Variants in PATJ observed in about 807,000 individuals in gnomAD.
The protein encoded by PATJ is inaD-like protein.
Under a neutral mutation model 224.9 loss-of-function variants are expected in PATJ, and 190 were observed. The ratio of observed to expected loss-of-function variants is 0.84; its 90% CI spans 0.75 to 0.95. The LOEUF (loss-of-function observed/expected upper bound fraction) is 0.95. Among genes scored for constraint, PATJ ranks in the 40% least tolerant of loss-of-function variants. PATJ has a pLI of 0.00. For missense variants in PATJ, 2,121 were observed against 2,270.3 expected (o/e 0.93, Z 1.34); for synonymous variants, 769 against 820.3 (o/e 0.94, Z 1.07).
intron 21 of PATJ, among the ~76,000 whole-genome samples, chr1:61,882,983 T>C (rs923260077): frequency 2.0e-5 from 3 of 151,964 alleles, no homozygotes; most frequent in African/African-American, 7.3e-5. Flanking sequence ...ATAGTGTGTG[T>C]GTGAGGATGT....
chr1:61,861,838 T>C (rs1307389266), intron 19 of PATJ, among the ~76,000 whole-genome samples, 171 bp downstream of exon 19: 1 of 152,108 alleles, frequency 6.6e-6, no homozygotes, highest in Non-Finnish European at 1.5e-5. Flanking sequence ...GCTAAATAGA[T>C]ATAAATGAAC....
intron 28 of PATJ, among the ~76,000 whole-genome samples, chr1:61,998,056 T>G (rs1558015225): frequency 7.3e-6 from 1 of 136,144 alleles, no homozygotes; most frequent in South Asian, 2.2e-4. Context: ...ATATATTATA[T>G]ATAATAAATA....
intron 30 of PATJ, among the ~76,000 whole-genome samples, chr1:62,040,847 CT>C (rs1250007424): frequency 6.6e-6 from 1 of 152,090 alleles, no homozygotes; most frequent in Non-Finnish European, 1.5e-5. Context: ...AGAAAAATAA[CT>C]TTTTTCTTCA....
chr1:61,901,816 A>G (rs971703943), intron 24 of PATJ, among the ~76,000 whole-genome samples: 1 of 152,144 alleles, frequency 6.6e-6, no homozygotes, highest in African/African-American at 2.4e-5. Context: ...ATGTGTCAGG[A>G]GGATATTATG....
intron 14 of PATJ, among the ~76,000 whole-genome samples, chr1:61,812,379 A>ACTGT (rs1323206247): frequency 8.9e-6 from 1 of 111,740 alleles, no homozygotes. Flanking sequence ...AGAGAGAGAG[A>ACTGT]GAGAGAGAGA....
In PATJ at chr1:62,055,136, C is replaced by T. The variant is rs543045057; in HGVS notation, c.4125+4078C>T. ...ATCTTAATCTTATCCCCAAAATAAC[C>T]ATATGTAAAGAGAAGGAGAAGAATT... On this transcript the variant is annotated intron_variant, in intron 31 of 43. Coordinates refer to ENST00000642238, the MANE Select transcript of PATJ (RefSeq NM_001350145.3). Among the ~76,000 whole-genome samples the T allele has an allele frequency of 5.1e-4, 77 of 152,022 alleles. 1 individual carries two copies. The South Asian group carries it at 0.016, about 31-fold the overall frequency.
At chr1:62,002,709 CAAAAAAAAAA>C (rs766357883) in intron 28 of PATJ, among the ~76,000 whole-genome samples, 21,532 of 112,980 alleles carry the variant, frequency 0.19, 2,032 homozygotes, top group Non-Finnish European at 0.25. Context: ...AACTCTGTCT[CAAAAAAAAAA>C]AAAAAAAAAA....
At chr1:61,898,827 C>G (rs952117726) in intron 22 of PATJ, among the ~76,000 whole-genome samples, 1 of 152,126 alleles carries the variant, frequency 6.6e-6, no homozygotes, top group African/African-American at 2.4e-5. Context: ...TGCTTTGTCA[C>G]CTAGTATGAA....
Position 62,136,648 on chromosome 1 carries a change from CGTGTGTGTGTGTGTGTCTGTGT to C in PATJ, c.5271+7720_5271+7741del, listed in dbSNP as rs1414415608. Among the ~76,000 whole-genome samples the C allele has an allele frequency of 1.1e-3, 75 of 71,306 alleles. 1 individual carries two copies. In the East Asian group the frequency reaches 0.016, roughly 15 times the overall value. The allele number at this position is 71,306 out of a possible 152,430, so 46.8% of individuals were successfully genotyped here. A position where few individuals can be genotyped will look rare whatever the true frequency, so the allele number is the denominator to read the frequency against. ...AAGTGCTGAGGATTTTTATGTTTTG[CGTGTGTGTGTGTGTGTCTGTGT>C]GTGTGTGTGTGTGTGTGTGTGTCTG... On this transcript the variant is annotated intron_variant, in intron 41 of 43. Coordinates refer to ENST00000642238, the MANE Select transcript of PATJ (RefSeq NM_001350145.3).
At chr1:62,067,376 C>T (rs965057052) in intron 31 of PATJ, among the ~76,000 whole-genome samples, 1 of 152,046 alleles carries the variant, frequency 6.6e-6, no homozygotes, top group Non-Finnish European at 1.5e-5. Flanking sequence ...ATCCACCCAC[C>T]TCAGCCTCCC....
chr1:61,883,757 T>TA (rs66752201), intron 21 of PATJ, among the ~76,000 whole-genome samples: 10,199 of 113,826 alleles, frequency 0.09, 498 homozygotes, highest in South Asian at 0.23. Context: ...CTCCGTCTCT[T>TA]AAAAAAAAAA....
chr1:61,776,870 T>C (rs1257186600), intron 7 of PATJ, among the ~76,000 whole-genome samples: 1 of 151,836 alleles, frequency 6.6e-6, no homozygotes, highest in Non-Finnish European at 1.5e-5. Context: ...GGATTATAGG[T>C]GCCTGCCACA....
chr1:62,036,483 G>A (rs1024259515), intron 29 of PATJ, among the ~76,000 whole-genome samples: 1 of 152,132 alleles, frequency 6.6e-6, no homozygotes, highest in Non-Finnish European at 1.5e-5. Context: ...GATAAAAAAG[G>A]TCTATTTTAT....
chr1:62,086,964 C>A lies in PATJ; in HGVS notation c.4377+2316C>A, dbSNP rs998867050. On this transcript the variant is annotated intron_variant, in intron 33 of 43. Transcript: ENST00000642238. This position sits in a 1 kb window ranked among gnomAD's most constrained non-coding sequence, Gnocchi z 4.0. ...GTGTTACAATGCTAACCTCCGTCGTCCGTGGACAGCGGTACGTTATCAGCT... is the reference window on the plus strand; with the variant it reads ...GTGTTACAATGCTAACCTCCGTCGTACGTGGACAGCGGTACGTTATCAGCT... Among the ~76,000 whole-genome samples the A allele has an allele frequency of 1.2e-4, 18 of 152,134 alleles. No individual in the cohort carries two copies. The highest frequency in any genetic ancestry group is 4.3e-4 in the African/African-American group (18 of 41,430).
intron 41 of PATJ, among the ~76,000 whole-genome samples, chr1:62,129,369 A>G (rs1434251955): frequency 6.6e-6 from 1 of 151,842 alleles, no homozygotes; most frequent in Admixed American, 6.5e-5. Flanking sequence ...ATAGATTGCC[A>G]ACACTGTTAA....
intron 22 of PATJ, among the ~76,000 whole-genome samples, chr1:61,885,025 AG>A (rs1668622805): frequency 6.6e-6 from 1 of 152,208 alleles, no homozygotes; most frequent in Non-Finnish European, 1.5e-5. Flanking sequence ...GATTAAGCGT[AG>A]GTGAAACTCT....
intron 1 of PATJ, among the ~76,000 whole-genome samples, chr1:61,760,013 A>G (rs1645874921): frequency 6.6e-6 from 1 of 152,170 alleles, no homozygotes; most frequent in African/African-American, 2.4e-5. Context: ...GCATTCTTCG[A>G]TTTAGAGAGG....
chr1:61,911,252 C>G (rs899508937), intron 25 of PATJ, among the ~76,000 whole-genome samples: 1 of 152,084 alleles, frequency 6.6e-6, no homozygotes, highest in Non-Finnish European at 1.5e-5. Context: ...TCTCGCTCTT[C>G]GCCCAGGCTG....
chr1:62,032,825 C>G (rs189221670), intron 29 of PATJ, among the ~76,000 whole-genome samples: 8 of 152,244 alleles, frequency 5.3e-5, no homozygotes, highest in Admixed American at 5.2e-4. Context: ...ACTGACAGTT[C>G]AGCGTGTCTG....
Sources: allele counts gnomAD v4.1 joint callset (sites outside exome capture counted in the v4.1 genomes callset), GRCh38; gene constraint gnomAD v4.1.1; non-coding constraint Gnocchi (gnomAD v3.1); transcripts MANE v1.5; gene names NCBI Gene and HGNC (gene_info 2026-07-23, HGNC 2026-07-21).